Variants in CYRIB observed in about 807,000 individuals in gnomAD.
CYRIB encodes CYFIP-related Rac1 interactor B.
Under a neutral mutation model 44.2 loss-of-function variants are expected in CYRIB, and 8 were observed. The observed-to-expected ratio is 0.18, with a 90% CI of 0.11 to 0.33. The LOEUF is 0.33. CYRIB is among the 10% of genes least tolerant of loss of function. The probability of loss-of-function intolerance (pLI) is 1.00; values close to 1 mark genes in which losing one functional copy is unlikely to be tolerated. For missense variants in CYRIB, 185 were observed against 382.8 expected, an observed-to-expected ratio of 0.48 and a Z score of 4.31; for synonymous variants, 131 against 127.2, an observed-to-expected ratio of 1.03 and a Z score of -0.20.
intron 1 of CYRIB, among the ~76,000 whole-genome samples, chr8:130,004,849 C>T (rs1332596825): frequency 6.7e-6 from 1 of 149,988 alleles, no homozygotes; most frequent in Non-Finnish European, 1.5e-5. Flanking sequence ...TCACTGCAAG[C>T]TCTGCCTCCC....
chr8:129,877,176 C>T (rs964184646), intron 3 of CYRIB, among the ~76,000 whole-genome samples: 4 of 152,054 alleles, frequency 2.6e-5, no homozygotes, highest in Non-Finnish European at 4.4e-5. Context: ...GTTTGGTATA[C>T]AGTATGCTGT....
At chr8:129,886,909 A>G (rs543711348) in intron 2 of CYRIB, among the ~76,000 whole-genome samples, 3 of 152,230 alleles carry the variant, frequency 2.0e-5, no homozygotes, top group East Asian at 1.9e-4. Context: ...TCTTCCACAT[A>G]TAAGAGGCAA....
chr8:129,968,697 G>A (rs1024865172), intron 2 of CYRIB, among the ~76,000 whole-genome samples: 2 of 152,162 alleles, frequency 1.3e-5, no homozygotes, highest in Non-Finnish European at 2.9e-5. Context: ...TACCTCATAA[G>A]TAATAAAAAA....
intron 2 of CYRIB, among the ~76,000 whole-genome samples, chr8:129,947,356 A>G (rs2094220027): frequency 6.6e-6 from 1 of 152,088 alleles, no homozygotes; most frequent in East Asian, 1.9e-4. Context: ...CACTGTGCCC[A>G]GTCTCTAATT....
chr8:129,926,152 G>A (rs1019730169), intron 1 of CYRIB, among the ~76,000 whole-genome samples: 13 of 152,080 alleles, frequency 8.5e-5, no homozygotes, highest in Non-Finnish European at 1.6e-4. Flanking sequence ...ACCTTATTTC[G>A]TATTCTGTAT....
chr8:129,900,768 C>T (rs1012621214), intron 2 of CYRIB, among the ~76,000 whole-genome samples: 4 of 152,050 alleles, frequency 2.6e-5, no homozygotes, highest in African/African-American at 9.7e-5. Flanking sequence ...CAACCTCCGC[C>T]TCCCAGGCTC....
upstream of CYRIB, among the ~76,000 whole-genome samples, chr8:129,942,582 TG>T (rs1249507005): frequency 2.0e-5 from 3 of 152,196 alleles, no homozygotes; most frequent in East Asian, 5.8e-4. Context: ...TCTGCATGAA[TG>T]TGATCATATT....
At chr8:129,987,413 T>G (rs1302477393) in intron 1 of CYRIB, among the ~76,000 whole-genome samples, 3 of 152,176 alleles carry the variant, frequency 2.0e-5, no homozygotes, top group Non-Finnish European at 4.4e-5. Context: ...CGGGTCTGAC[T>G]GTGGCTTGTT....
At chr8:129,899,448 G>T (rs976860887) in intron 2 of CYRIB, among the ~76,000 whole-genome samples, 1 of 151,746 alleles carries the variant, frequency 6.6e-6, no homozygotes, top group Non-Finnish European at 1.5e-5. Flanking sequence ...ACCAAATGCA[G>T]TATGTGCATA....
chr8:129,958,848 G>A (rs1310086438), intron 2 of CYRIB, among the ~76,000 whole-genome samples: 5 of 150,930 alleles, frequency 3.3e-5, no homozygotes, highest in African/African-American at 1.2e-4. Flanking sequence ...GGTGGATCAC[G>A]AGGTCAGGAG....
At chr8:129,909,632 G>A (rs2077016077) in intron 1 of CYRIB, among the ~76,000 whole-genome samples, 1 of 152,030 alleles carries the variant, frequency 6.6e-6, no homozygotes, top group Non-Finnish European at 1.5e-5. Flanking sequence ...TCTTTTAAAC[G>A]ATGCTATATG....
intron 1 of CYRIB, among the ~76,000 whole-genome samples, chr8:129,996,127 A>G (rs2096759176): frequency 6.6e-6 from 1 of 152,170 alleles, no homozygotes; most frequent in Non-Finnish European, 1.5e-5. Context: ...CCACTCCTTC[A>G]TTCATTCATT....
chr8:129,991,866 G>A (rs1031469768), intron 1 of CYRIB, among the ~76,000 whole-genome samples: 4 of 139,968 alleles, frequency 2.9e-5, no homozygotes, highest in East Asian at 2.2e-4. Flanking sequence ...CAGGAGAATC[G>A]CTTGAACCTG....
chr8:129,947,569 C>T (rs2094238725), intron 2 of CYRIB, among the ~76,000 whole-genome samples: 1 of 151,972 alleles, frequency 6.6e-6, no homozygotes, highest in Admixed American at 6.6e-5. Context: ...AAGGGAGGAC[C>T]CGAGCAGTAA....
At chr8:129,939,956 G>C (rs1050346340), upstream of CYRIB, 21 of 152,186 alleles carry the variant, frequency 1.4e-4, no homozygotes, top group African/African-American at 4.3e-4. Context: ...CCTCATCCCC[G>C]CCCCTCCCGA....
At chr8:129,933,730 T>C (rs2092206226) in intron 1 of CYRIB, among the ~76,000 whole-genome samples, 2 of 151,910 alleles carry the variant, frequency 1.3e-5, no homozygotes, top group African/African-American at 4.8e-5. Flanking sequence ...TAAAATTAGC[T>C]GGGCATGGTG....
chr8:129,852,444 AGAT>A (rs1046970008), intron 7 of CYRIB, among the ~76,000 whole-genome samples, 166 bp from the exon 10 acceptor site: 4 of 152,236 alleles, frequency 2.6e-5, no homozygotes, highest in Non-Finnish European at 5.9e-5. Context: ...TTTTAAAAAA[AGAT>A]TAACCTCTTC....
intron 1 of CYRIB, among the ~76,000 whole-genome samples, chr8:129,913,852 T>C (rs2079339420): frequency 6.6e-6 from 1 of 152,248 alleles, no homozygotes; most frequent in South Asian, 2.1e-4. Context: ...TGAAAGTTGA[T>C]GTTATTATCA....
At chr8:129,883,320 A>G (rs1449573902) in intron 2 of CYRIB, among the ~76,000 whole-genome samples, 1 of 151,764 alleles carries the variant, frequency 6.6e-6, no homozygotes, top group African/African-American at 2.4e-5. Context: ...ACAATCAAAA[A>G]TGTCTCTAGA....
Sources: allele counts gnomAD v4.1 joint callset (sites outside exome capture counted in the v4.1 genomes callset), GRCh38; gene constraint gnomAD v4.1.1; transcripts MANE v1.5; gene names NCBI Gene and HGNC (gene_info 2026-07-23, HGNC 2026-07-21).